The following ROBO2 variants were observed in gnomAD, a reference collection of about 807,000 sequenced individuals.
The protein encoded by ROBO2 is roundabout homolog 2.
In ROBO2, 53 loss-of-function variants were observed where a neutral mutation model predicts 160.8. The observed-to-expected ratio is 0.33, with a 90% CI of 0.26 to 0.41. The LOEUF (loss-of-function observed/expected upper bound fraction) is 0.41. ROBO2 is among the 10% of genes least tolerant of loss of function. ROBO2 has a pLI of 1.00. For missense variants in ROBO2, 1,577 were observed against 1,722.4 expected, an observed-to-expected ratio of 0.92 and a Z score of 1.49; for synonymous variants, 664 against 611.7, an observed-to-expected ratio of 1.09 and a Z score of -1.26.
At chr3:76,827,311 T>A (rs2066674913) in intron 2 of ROBO2, among the ~76,000 whole-genome samples, 1 of 152,162 alleles carries the variant, frequency 6.6e-6, no homozygotes, top group Admixed American at 6.6e-5. Context: ...AATGAATATA[T>A]CTAATCTTTT....
chr3:76,999,338 G>A (rs2061211534), intron 2 of ROBO2, among the ~76,000 whole-genome samples: 1 of 152,100 alleles, frequency 6.6e-6, no homozygotes, highest in South Asian at 2.1e-4. Flanking sequence ...AAATAAAAGC[G>A]ATAACCCCCT....
chr3:76,079,740 C>T (rs112552220), intron 2 of ROBO2, among the ~76,000 whole-genome samples: 3,621 of 151,902 alleles, frequency 0.024, 139 homozygotes, highest in African/African-American at 0.082. Flanking sequence ...TCTGCCTTGG[C>T]CTCCCAAAGT....
At position 77,065,230 on chromosome 3, in the gene ROBO2, T is replaced by A. The variant is rs2066716610; in HGVS notation, c.61+24384T>A. On this transcript the variant is annotated intron_variant, in intron 1 of 25. Coordinates refer to ENST00000461745, the Ensembl canonical transcript of ROBO2. The stretch of plus-strand genomic sequence containing the variant: ...TTCTCAGAAGCTCCCTGGGAAAGAG[T>A]AGAGCAATAAATCACATATTAAAGA... Among the ~76,000 whole-genome samples the A allele has an allele frequency of 2.0e-5, 3 of 152,060 alleles. No individual in the cohort carries two copies. In the South Asian group the frequency reaches 6.2e-4, roughly 32 times the overall value.
chr3:77,575,784 G>C (rs1012660558), intron 14 of ROBO2, among the ~76,000 whole-genome samples: 18 of 152,058 alleles, frequency 1.2e-4, no homozygotes, highest in African/African-American at 3.9e-4. Context: ...GTTGCAAATT[G>C]GTAGTATTAA....
chr3:77,624,623 G>A (rs34486006), intron 23 of ROBO2, among the ~76,000 whole-genome samples: 73,206 of 151,930 alleles, frequency 0.48, 17,892 homozygotes, highest in Middle Eastern at 0.62. Flanking sequence ...AATAAAACAG[G>A]CATTATTTCT....
At chr3:77,623,186 G>A (rs953143101) in intron 23 of ROBO2, among the ~76,000 whole-genome samples, 1 of 152,110 alleles carries the variant, frequency 6.6e-6, no homozygotes, top group Non-Finnish European at 1.5e-5. Context: ...TAAAAATTCA[G>A]TCTTTCTATT....
chr3:76,690,091 T>C (rs2092769949), intron 2 of ROBO2, among the ~76,000 whole-genome samples: 1 of 152,088 alleles, frequency 6.6e-6, no homozygotes, highest in African/African-American at 2.4e-5. Flanking sequence ...GTAGGAGTTG[T>C]CCAGAATCAA....
chr3:77,203,661 C>A (rs1208839545), intron 2 of ROBO2, among the ~76,000 whole-genome samples: 3 of 152,160 alleles, frequency 2.0e-5, no homozygotes, highest in African/African-American at 7.2e-5. Flanking sequence ...TATACTACTT[C>A]ACATTTTTAT....
intron 2 of ROBO2, among the ~76,000 whole-genome samples, chr3:76,606,002 G>T (rs1163060419): frequency 1.3e-5 from 2 of 152,090 alleles, no homozygotes; most frequent in Non-Finnish European, 2.9e-5. Flanking sequence ...TATCTTCTAA[G>T]ATTCTTTCCA....
chr3:77,055,082 A>C (rs1020367110), intron 1 of ROBO2, among the ~76,000 whole-genome samples: 2 of 152,052 alleles, frequency 1.3e-5, no homozygotes, highest in East Asian at 1.9e-4. Context: ...AAAAAAAAAA[A>C]CTACCAGATA....
intron 2 of ROBO2, among the ~76,000 whole-genome samples, chr3:76,804,917 G>A (rs1030048700): frequency 1.3e-5 from 2 of 152,108 alleles, no homozygotes; most frequent in Admixed American, 1.3e-4. Context: ...AAGTAAGGTA[G>A]TATAAGGAAA....
intron 2 of ROBO2, among the ~76,000 whole-genome samples, chr3:76,917,427 A>G (rs887549390): frequency 2.0e-5 from 3 of 152,204 alleles, no homozygotes; most frequent in Non-Finnish European, 4.4e-5. Flanking sequence ...ATGATTGATA[A>G]GTGTATGCTG....
At chr3:76,617,177 T>G (rs1560241575) in intron 2 of ROBO2, among the ~76,000 whole-genome samples, 1 of 152,146 alleles carries the variant, frequency 6.6e-6, no homozygotes, top group Non-Finnish European at 1.5e-5. Flanking sequence ...AGCAGGCTAT[T>G]CTAAGGGCTT....
intron 2 of ROBO2, among the ~76,000 whole-genome samples, chr3:76,987,113 G>C (rs900287617): frequency 8.5e-5 from 13 of 152,166 alleles, no homozygotes; most frequent in Admixed American, 2.6e-4. Context: ...GATACGCCAC[G>C]CCACCACTAC....
At chr3:76,754,192 A>G (rs2060836329) in intron 2 of ROBO2, among the ~76,000 whole-genome samples, 1 of 151,914 alleles carries the variant, frequency 6.6e-6, no homozygotes. Context: ...TGGGCAGTTC[A>G]GAATAATATA....
chr3:76,721,999 AGACTTAGGTGG>A (rs1315591464), intron 2 of ROBO2, among the ~76,000 whole-genome samples: 2 of 152,204 alleles, frequency 1.3e-5, no homozygotes, highest in Non-Finnish European at 2.9e-5. Context: ...TGATTTGAAA[AGACTTAGGTGG>A]GACTTCTATG....
At chr3:76,864,795 A>G (rs3911527) in intron 2 of ROBO2, among the ~76,000 whole-genome samples, 15,721 of 152,114 alleles carry the variant, frequency 0.1, 992 homozygotes, top group East Asian at 0.23. Flanking sequence ...ACTAAAATCA[A>G]TAATGATCTA....
chr3:76,643,585 A>T (rs963674453), intron 2 of ROBO2, among the ~76,000 whole-genome samples: 3 of 152,200 alleles, frequency 2.0e-5, no homozygotes, highest in African/African-American at 7.2e-5. Context: ...AAGTCTAACC[A>T]GGAAAAAGGA....
chr3:76,666,035 T>C (rs2092031679), intron 2 of ROBO2, among the ~76,000 whole-genome samples: 1 of 131,830 alleles, frequency 7.6e-6, no homozygotes, highest in Non-Finnish European at 1.7e-5. Flanking sequence ...ATATATATTA[T>C]ATATATACTA....
Sources: gnomAD v4.1 joint callset for allele counts (sites outside exome capture counted in the v4.1 genomes callset) on GRCh38, gnomAD v4.1.1 for gene constraint, MANE v1.5 for transcripts, NCBI Gene and HGNC (gene_info 2026-07-23, HGNC 2026-07-21) for gene names.